CSRNP2: variants seen among roughly 807,000 people sequenced by gnomAD.
The protein encoded by CSRNP2 is cysteine and serine rich nuclear protein 2.
CSRNP2 carries 11 observed loss-of-function variants against 36.6 expected under a neutral mutation model. That is an observed-to-expected ratio of 0.30 (90% confidence interval 0.19 to 0.50). The LOEUF (loss-of-function observed/expected upper bound fraction) is 0.50, where lower values mean the gene tolerates loss of function less well. Among genes scored for constraint, CSRNP2 ranks in the 20% least tolerant of loss-of-function variants. The pLI, the probability that CSRNP2 is intolerant of heterozygous loss-of-function variation, is 0.98. For missense variants in CSRNP2, 483 were observed against 691.4 expected (o/e 0.70, Z 3.38); for synonymous variants, 248 against 275.3 (o/e 0.90, Z 0.98).
At position 51,067,429 on chromosome 12, in the gene CSRNP2, C is replaced by T. The variant is rs984153418; in HGVS notation, c.708+244G>A. Among the ~76,000 whole-genome samples, 1 of 152,154 alleles carries T rather than the reference C, an allele frequency of 6.6e-6. No homozygotes were observed. The highest frequency in any genetic ancestry group is 6.6e-5 in the Admixed American group (1 of 15,264). ...TGAACTCAGCTCACTGCAGCCTTGA[C>T]CTCCTGGACTCAAGAGATCCTCCTA... On this transcript the variant is annotated intron_variant, in intron 4 of 4. Transcript: ENST00000228515. The surrounding 1 kb of genome is among the most constrained non-coding windows in gnomAD (Gnocchi z 4.1).
At chr12:51,071,864 C>T (rs1939173944) in intron 3 of CSRNP2, among the ~76,000 whole-genome samples, 1 of 152,178 alleles carries the variant, frequency 6.6e-6, no homozygotes, top group African/African-American at 2.4e-5. Flanking sequence ...CCAGCTGTTG[C>T]TACGGCAGCT....
At chr12:51,077,497 T>G (rs749912974) in intron 1 of CSRNP2, among the ~76,000 whole-genome samples, 5 of 152,128 alleles carry the variant, frequency 3.3e-5, no homozygotes, top group Non-Finnish European at 5.9e-5. Context: ...AGAGTGCAAA[T>G]AATGCTTGGA....
chr12:51,074,400 A>G (rs1232216824), intron 2 of CSRNP2, among the ~76,000 whole-genome samples: 1 of 152,148 alleles, frequency 6.6e-6, no homozygotes. Context: ...TACAGGTGTG[A>G]GCCACCATGC....
In CSRNP2 at chr12:51,081,525, A is replaced by C. The variant is rs558304103; in HGVS notation, c.-87+1814T>G. The C allele has an allele frequency of 2.6e-5, 4 of 152,372 alleles. No individual in the cohort carries two copies. In the South Asian group the frequency reaches 6.2e-4, roughly 24 times the overall value. 9.4% of individuals were successfully genotyped at this position (152,372 alleles called of 1,614,324 possible). A position where few individuals can be genotyped will look rare whatever the true frequency, so the allele number is the denominator to read the frequency against. ...GGAATGCAGGTAAAAACCGACAGTT[A>C]ACTGTCAAAATGACCAACTCAACAA... On this transcript the variant is annotated intron_variant, in intron 1 of 4. Coordinates refer to ENST00000228515, the MANE Select transcript of CSRNP2 (RefSeq NM_030809.3).
intron 3 of CSRNP2, among the ~76,000 whole-genome samples, chr12:51,073,605 T>A (rs1939274752): frequency 6.6e-6 from 1 of 150,610 alleles, no homozygotes; most frequent in Admixed American, 6.7e-5. Flanking sequence ...ACACCTGTAA[T>A]CCCAACTACT....
At chr12:51,070,951 C>A (rs982327883) in intron 3 of CSRNP2, among the ~76,000 whole-genome samples, 2 of 151,976 alleles carry the variant, frequency 1.3e-5, no homozygotes, top group Non-Finnish European at 2.9e-5. Flanking sequence ...GCTTGGGCAA[C>A]AGAACAAGAC....
chr12:51,075,865 A>G lies in CSRNP2; in HGVS notation c.151+546T>C, dbSNP rs556421377. On this transcript the variant is annotated intron_variant, in intron 2 of 4. Coordinates refer to ENST00000228515, the MANE Select transcript of CSRNP2 (RefSeq NM_030809.3). ...GGAGTTCAAGACCAACCTGGCCAAC[A>G]TGATGAAACCTTGTCTCTACTAAAA... 1.6e-4 allele frequency among the ~76,000 whole-genome samples: 24 copies of G among 152,324 alleles called. No individual in the cohort carries two copies. The East Asian group carries it at 4.4e-3, about 28-fold the overall frequency.
Position 51,069,035 on chromosome 12 carries a change from G to C in CSRNP2, c.412-1066C>G, listed in dbSNP as rs560504337. ...CTGTCGCCCAGGCTGGAGTGCAGTG[G>C]CGTGATCTCAGCTCGCTGCAAGCTC... On this transcript the variant is annotated intron_variant, in intron 3 of 4. Transcript: ENST00000228515. Among the ~76,000 whole-genome samples the C allele has an allele frequency of 1.7e-3, 259 of 152,190 alleles. 1 individual carries two copies. The highest frequency in any genetic ancestry group is 6.1e-3 in the African/African-American group (252 of 41,528).
chr12:51,062,288 T>A lies in CSRNP2; in HGVS notation c.*1458A>T, dbSNP rs1474047432. Reference sequence around the variant, plus strand: ...CAACACAGTTTTTCACTTTTGTGTGTGTGTGTGGTTAATAAACCATACCAG... The same window carrying A: ...CAACACAGTTTTTCACTTTTGTGTGAGTGTGTGGTTAATAAACCATACCAG... On this transcript the variant is annotated 3_prime_UTR_variant, in exon 5 of 5. Transcript: ENST00000228515. 6 of 152,160 alleles carry A rather than the reference T, an allele frequency of 3.9e-5. No homozygotes were observed. The highest frequency in any genetic ancestry group is 5.9e-5 in the Non-Finnish European group (4 of 68,034). The allele number at this position is 152,160 out of a possible 1,614,324, so 9.4% of individuals were successfully genotyped here.
Position 51,063,654 on chromosome 12 carries a change from G to C in CSRNP2, c.*92C>G. On this transcript the variant is annotated 3_prime_UTR_variant, in exon 5 of 5. Coordinates refer to ENST00000228515, the MANE Select transcript of CSRNP2 (RefSeq NM_030809.3). ...ACCCCAATAAAATAACATGGGAGCAGCAGCTGCTTCTACAGTTTTGTTTTG... is the reference window on the plus strand; with the variant it reads ...ACCCCAATAAAATAACATGGGAGCACCAGCTGCTTCTACAGTTTTGTTTTG... The C allele has an allele frequency of 1.0e-6, 1 of 989,364 alleles. No individual in the cohort carries two copies. Among genetic ancestry groups the C allele is most frequent in the Non-Finnish European group, 1.4e-6 (1 of 694,864 alleles). 61.3% of individuals were successfully genotyped at this position (989,364 alleles called of 1,614,324 possible).
intron 1 of CSRNP2, among the ~76,000 whole-genome samples, chr12:51,078,017 C>T (rs138452002): frequency 3.9e-5 from 6 of 152,350 alleles, no homozygotes; most frequent in African/African-American, 9.6e-5. Flanking sequence ...TGATGAGACA[C>T]GAACCCTCCC....
chr12:51,076,155 G>A (rs545831175), intron 2 of CSRNP2, among the ~76,000 whole-genome samples: 2 of 152,336 alleles, frequency 1.3e-5, no homozygotes, highest in East Asian at 1.9e-4. Context: ...TCTGGTGGGG[G>A]CAGGGTAGAG....
intron 3 of CSRNP2, among the ~76,000 whole-genome samples, chr12:51,069,682 T>G (rs958972606): frequency 2.7e-5 from 4 of 147,124 alleles, no homozygotes; most frequent in Admixed American, 6.7e-5. Flanking sequence ...AAATCTGGGT[T>G]TTTTTTTTTC....
At chr12:51,075,523 T>C (rs1939359806) in intron 2 of CSRNP2, among the ~76,000 whole-genome samples, 1 of 152,190 alleles carries the variant, frequency 6.6e-6, no homozygotes, top group Non-Finnish European at 1.5e-5. Context: ...ATAGCATTGA[T>C]CTGTAGCAGG....
In CSRNP2 at chr12:51,076,589, C is replaced by A; in HGVS notation, c.-28G>T. On this transcript the variant is annotated 5_prime_UTR_variant, in exon 2 of 5. Transcript: ENST00000228515. ...GTTTCAAAGGGGTTTCCTTGGGGAG[C>A]CCACCAAGTTGGCCCCAAAGCCCCT... is the stretch of plus-strand genomic sequence containing the variant. The A allele has an allele frequency of 6.2e-7, 1 of 1,613,046 alleles. No homozygotes were observed. The highest frequency in any genetic ancestry group is 1.1e-5 in the South Asian group (1 of 91,036).
At chr12:51,074,913 A>C (rs976409324) in intron 2 of CSRNP2, among the ~76,000 whole-genome samples, 1 of 151,740 alleles carries the variant, frequency 6.6e-6, no homozygotes, top group African/African-American at 2.4e-5. Flanking sequence ...AAAAATACAA[A>C]AATTAGCTGG....
In CSRNP2 at chr12:51,076,555, C is replaced by T; in HGVS notation, c.7G>A (p.Ala3Thr). Residue 3 changes from alanine (A) to threonine (T), a missense_variant, in exon 2 of 5, where the codon GCA (alanine) becomes ACA (threonine). By Grantham distance (58) the Ala-to-Thr change is moderately conservative. Coordinates refer to ENST00000228515, the MANE Select transcript of CSRNP2 (RefSeq NM_030809.3). ...CTCTTGAGACCCGAGCCCGTGAATG[C>T]ATCCATTGGTTTCAAAGGGGTTTCC... is the stretch of plus-strand genomic sequence containing the variant. Reference protein sequence around the residue: MDAFTGSGLKRKF... With the variant: MDTFTGSGLKRKF... 2 of 1,614,104 alleles carry T rather than the reference C, an allele frequency of 1.2e-6. No homozygotes were observed. The highest frequency in any genetic ancestry group is 2.2e-5 in the South Asian group (2 of 91,084).
At chr12:51,071,234 T>G (rs1939139491) in intron 3 of CSRNP2, among the ~76,000 whole-genome samples, 1 of 137,688 alleles carries the variant, frequency 7.3e-6, no homozygotes, top group Non-Finnish European at 1.5e-5. Context: ...CACTCCAGCC[T>G]GGGCAACGGA....
At chr12:51,079,434 G>A (rs1204429465) in intron 1 of CSRNP2, among the ~76,000 whole-genome samples, 1 of 151,812 alleles carries the variant, frequency 6.6e-6, no homozygotes, top group Non-Finnish European at 1.5e-5. Context: ...GGAGCCCCTT[G>A]TGATTGAATG....
Sources: allele counts gnomAD v4.1 joint callset (sites outside exome capture counted in the v4.1 genomes callset), GRCh38; gene constraint gnomAD v4.1.1; non-coding constraint Gnocchi (gnomAD v3.1); transcripts MANE v1.5; gene names NCBI Gene and HGNC (gene_info 2026-07-23, HGNC 2026-07-21).